CFI: variants seen among roughly 807,000 people sequenced by gnomAD.
The protein encoded by CFI is complement factor I, also known as C3B/C4B inactivator.
Under a neutral mutation model 78.8 loss-of-function variants are expected in CFI, and 66 were observed. The observed-to-expected ratio is 0.84, with a 90% CI of 0.69 to 1.03. The LOEUF is 1.03. CFI is among the 50% of genes least tolerant of loss of function. The pLI is 0.00. For synonymous variants in CFI, 250 were observed against 232.6 expected (o/e 1.07, Z -0.68); for missense variants, 706 against 704.5 (o/e 1.00, Z -0.02).
chr4:109,774,852 TG>T (rs1336036307), intron 1 of CFI, among the ~76,000 whole-genome samples: 1 of 152,178 alleles, frequency 6.6e-6, no homozygotes, highest in African/African-American at 2.4e-5. Context: ...GCATATAGTT[TG>T]TTCTTATTTC....
the CFI span, among the ~76,000 whole-genome samples, chr4:109,733,584 G>A: frequency 2.0e-5 from 3 of 152,232 alleles, no homozygotes; most frequent in African/African-American, 7.2e-5. Context: ...TGTGAAAAGT[G>A]GTCATATTCT....
chr4:109,795,095 A>G (rs1164290170), intron 1 of CFI, among the ~76,000 whole-genome samples: 1 of 152,214 alleles, frequency 6.6e-6, no homozygotes, highest in East Asian at 1.9e-4. Flanking sequence ...GTTACCCTTT[A>G]CCCTACACAG....
At chr4:109,786,839 T>C (rs1730808872) in intron 1 of CFI, among the ~76,000 whole-genome samples, 1 of 152,158 alleles carries the variant, frequency 6.6e-6, no homozygotes, top group Non-Finnish European at 1.5e-5. Context: ...GTGAATATGA[T>C]AATGATTTTG....
At chr4:109,757,710 C>A (rs568572502) in intron 7 of CFI, 53 bp downstream of exon 7, 43 of 1,164,666 alleles carry the variant, frequency 3.7e-5, no homozygotes, top group Admixed American at 3.5e-4. Context: ...GACCAAAGAA[C>A]CTGAGTTTTG....
At chr4:109,782,798 C>A (rs1318089308) in intron 1 of CFI, among the ~76,000 whole-genome samples, 4 of 152,080 alleles carry the variant, frequency 2.6e-5, no homozygotes, top group African/African-American at 9.7e-5. Context: ...GCCATAGTCA[C>A]CAAAACAGTG....
intron 3 of CFI, among the ~76,000 whole-genome samples, chr4:109,763,459 A>T (rs1727333434): frequency 6.6e-6 from 1 of 152,078 alleles, no homozygotes; most frequent in African/African-American, 2.4e-5. Flanking sequence ...CAGGGTAAAT[A>T]ATAAGCCTAA....
In CFI at chr4:109,755,756, G is replaced by A. The variant is rs377438097; in HGVS notation, c.904+2007C>T. On this transcript the variant is annotated intron_variant, in intron 7 of 12. Transcript: ENST00000394634. ...TTCTTCATAAATTACCCCGTCTGTG[G>A]TATTGTGTTATAGCAAGACAAAAGA... Among the ~76,000 whole-genome samples the A allele has an allele frequency of 3.7e-4, 57 of 152,228 alleles. 1 individual carries two copies. In the East Asian group the frequency reaches 7.3e-3, roughly 20 times the overall value.
At chr4:109,761,763 G>T in intron 3 of CFI, 71 bp from the exon 4 acceptor site, 1 of 1,266,968 alleles carries the variant, frequency 7.9e-7, no homozygotes, top group Non-Finnish European at 1.1e-6. Flanking sequence ...TACTGTAGCA[G>T]GTAAGAAACT....
At chr4:109,768,353 A>AG (rs71595513) in intron 1 of CFI, among the ~76,000 whole-genome samples, 2 of 150,452 alleles carry the variant, frequency 1.3e-5, no homozygotes, top group Non-Finnish European at 3.0e-5. Context: ...AAAAAAAAAA[A>AG]GAAAAAAAGA....
chr4:109,766,762 G>A lies in CFI; in HGVS notation c.120C>T (p.His40=), dbSNP rs1727813880. 1 of 1,614,190 alleles carries A rather than the reference G, an allele frequency of 6.2e-7. No individual in the cohort carries two copies. Among genetic ancestry groups the A allele is most frequent in the East Asian group, 2.2e-5 (1 of 44,880 alleles). The part of the protein sequence containing the change: ...EKKCLAKKYT[H]LSCDKVFCQP... The stretch of plus-strand genomic sequence containing the variant: ...GGCAGAAGACTTTATCGCAGGAGAG[G>A]TGAGTATATTTTTTTGCTAAGCACT... The change falls in exon 2 of 13, where the codon CAC becomes CAT. Residue 40 remains histidine (H), a synonymous_variant. Coordinates refer to ENST00000394634, the MANE Select transcript of CFI (RefSeq NM_000204.5).
At chr4:109,781,075 A>G (rs1024679278) in intron 1 of CFI, among the ~76,000 whole-genome samples, 21 of 152,204 alleles carry the variant, frequency 1.4e-4, no homozygotes, top group Non-Finnish European at 2.5e-4. Flanking sequence ...GCAGCACACC[A>G]ACATGGCACA....
chr4:109,753,019 TATAA>T (rs1409334819), intron 7 of CFI, among the ~76,000 whole-genome samples: 1 of 77,192 alleles, frequency 1.3e-5, no homozygotes, highest in African/African-American at 4.8e-5. Context: ...ATATTTATTA[TATAA>T]ATAAATATTT....
In CFI at chr4:109,765,919, C is replaced by A. The variant is rs112458569; in HGVS notation, c.328+635G>T. Among the ~76,000 whole-genome samples, 338 of 152,214 alleles carry A rather than the reference C, an allele frequency of 2.2e-3. 1 individual carries two copies. Among genetic ancestry groups the A allele is most frequent in the African/African-American group, 7.5e-3 (311 of 41,548 alleles). On this transcript the variant is annotated intron_variant, in intron 2 of 12. Coordinates refer to ENST00000394634, the MANE Select transcript of CFI (RefSeq NM_000204.5). ...GGATCACAAGGTCAGGAGATCGAGA[C>A]CATCCTGGCTAACACGGTGAAACTC...
At chr4:109,756,374 C>G (rs77090434) in intron 7 of CFI, among the ~76,000 whole-genome samples, 1 of 123,286 alleles carries the variant, frequency 8.1e-6, no homozygotes, top group African/African-American at 2.8e-5. Flanking sequence ...AGGAGGAGGA[C>G]GAGGGAAGAG....
chr4:109,738,393 T>A (rs538115251), downstream of CFI, among the ~76,000 whole-genome samples: 66 of 152,306 alleles, frequency 4.3e-4, no homozygotes, highest in African/African-American at 1.3e-3. Context: ...ATTACAGGTA[T>A]GATCCACTGC....
chr4:109,745,046 G>T (rs1164361677), intron 11 of CFI, among the ~76,000 whole-genome samples: 1 of 152,144 alleles, frequency 6.6e-6, no homozygotes, highest in Non-Finnish European at 1.5e-5. Flanking sequence ...TTCCAATGTG[G>T]CAATTATAAT....
intron 1 of CFI, among the ~76,000 whole-genome samples, chr4:109,769,100 T>C (rs969257862): frequency 8.5e-5 from 13 of 152,224 alleles, no homozygotes; most frequent in African/African-American, 3.1e-4. Context: ...AGGTTTTATT[T>C]ATCACCTTTA....
chr4:109,783,351 A>C (rs892916431), intron 1 of CFI, among the ~76,000 whole-genome samples: 4 of 152,180 alleles, frequency 2.6e-5, no homozygotes, highest in African/African-American at 9.7e-5. Flanking sequence ...ATCCCATCAA[A>C]AAATGGGCTA....
At chr4:109,780,947 T>C (rs1156496366) in intron 1 of CFI, among the ~76,000 whole-genome samples, 1 of 152,008 alleles carries the variant, frequency 6.6e-6, no homozygotes, top group Non-Finnish European at 1.5e-5. Flanking sequence ...AATTGAACAA[T>C]GAAAACACTT....
Sources: allele counts gnomAD v4.1 joint callset (sites outside exome capture counted in the v4.1 genomes callset), GRCh38; gene constraint gnomAD v4.1.1; transcripts MANE v1.5; gene names NCBI Gene and HGNC (gene_info 2026-07-23, HGNC 2026-07-21).